Variants in SERPINI1 observed in about 807,000 individuals in gnomAD.
The protein encoded by SERPINI1 is neuroserpin.
A neutral mutation model predicts 41.1 loss-of-function variants in SERPINI1; 19 were observed. That is an observed-to-expected ratio of 0.46 (90% CI 0.32 to 0.68). The LOEUF (loss-of-function observed/expected upper bound fraction) is 0.68. Ranked by LOEUF, SERPINI1 falls within the 30% of genes least tolerant of loss-of-function variation. The probability of loss-of-function intolerance (pLI) is 0.03; values close to 1 mark genes in which losing one functional copy is unlikely to be tolerated. For synonymous variants in SERPINI1, 138 were observed against 156.6 expected (o/e 0.88, Z 0.89); for missense variants, 460 against 479.2 (o/e 0.96, Z 0.37).
chr3:167,804,358 A>G (rs1271277806), intron 5 of SERPINI1, among the ~76,000 whole-genome samples: 4 of 152,204 alleles, frequency 2.6e-5, no homozygotes, highest in Admixed American at 6.6e-5. Flanking sequence ...AAATGATGCT[A>G]ATGAAACTTT....
intron 1 of SERPINI1, among the ~76,000 whole-genome samples, chr3:167,753,128 TA>T (rs1726095337): frequency 6.6e-6 from 1 of 152,002 alleles, no homozygotes; most frequent in Admixed American, 6.6e-5. Flanking sequence ...AAATGAAAAG[TA>T]TAGTCTATAT....
intron 1 of SERPINI1, among the ~76,000 whole-genome samples, chr3:167,779,013 T>C (rs965006833): frequency 1.2e-4 from 19 of 152,222 alleles, no homozygotes; most frequent in African/African-American, 4.1e-4. Context: ...AGGTCAGTGC[T>C]AGTTGCTATG....
At chr3:167,817,607 T>C (rs1256556271) in intron 6 of SERPINI1, among the ~76,000 whole-genome samples, 26 of 151,970 alleles carry the variant, frequency 1.7e-4, no homozygotes, top group Admixed American at 1.7e-3. Flanking sequence ...TATTTATTTT[T>C]ATTTTTTTGA....
intron 1 of SERPINI1, among the ~76,000 whole-genome samples, chr3:167,750,616 C>T (rs1212519066): frequency 6.6e-6 from 1 of 152,134 alleles, no homozygotes; most frequent in Non-Finnish European, 1.5e-5. Context: ...GTGACCTAAG[C>T]ACTAATATCT....
chr3:167,775,654 T>C (rs1244516539), intron 1 of SERPINI1, among the ~76,000 whole-genome samples: 1 of 152,170 alleles, frequency 6.6e-6, no homozygotes, highest in Non-Finnish European at 1.5e-5. Flanking sequence ...TTTTAAATTC[T>C]GCATGAAAAA....
rs116028438 is a variant in SERPINI1, at chr3:167,762,162, C to T, written c.-19+26339C>T. Among the ~76,000 whole-genome samples, 132 of 152,190 alleles carry T rather than the reference C, an allele frequency of 8.7e-4. 1 individual carries two copies. The highest frequency in any genetic ancestry group is 3.1e-3 in the African/African-American group (128 of 41,530). On this transcript the variant is annotated intron_variant, in intron 1 of 8. Transcript: ENST00000446050. ...TGTTTCCACCCAAAAGCATCTGTAC[C>T]CATGTACTTTACCTTTTCTCCTGTT... is the stretch of plus-strand genomic sequence containing the variant.
intron 1 of SERPINI1, among the ~76,000 whole-genome samples, chr3:167,751,322 T>C (rs892284933): frequency 6.6e-6 from 1 of 152,196 alleles, no homozygotes; most frequent in Non-Finnish European, 1.5e-5. Flanking sequence ...ATGAGCACCT[T>C]GGTAAATTTA....
chr3:167,824,912 G>A (rs1026432931), intron 8 of SERPINI1, among the ~76,000 whole-genome samples: 10 of 152,016 alleles, frequency 6.6e-5, no homozygotes, highest in Non-Finnish European at 1.5e-4. Flanking sequence ...CAGGCATGGT[G>A]GCACATGCCT....
In SERPINI1 at chr3:167,802,043, T is replaced by C. The variant is rs372920076; in HGVS notation, c.882-5201T>C. Among the ~76,000 whole-genome samples the C allele has an allele frequency of 5.9e-5, 9 of 152,202 alleles. No individual in the cohort carries two copies. The East Asian group carries it at 1.7e-3, about 29-fold the overall frequency. On this transcript the variant is annotated intron_variant, in intron 5 of 8. Coordinates refer to ENST00000446050, the MANE Select transcript of SERPINI1 (RefSeq NM_001122752.2). ...AATGGGGAAAGGATTCCCTATTTAA[T>C]AAATGGTGCTGGGGAAACTGGCTAG...
At chr3:167,759,765 AC>A (rs1411751163) in intron 1 of SERPINI1, among the ~76,000 whole-genome samples, 1 of 152,142 alleles carries the variant, frequency 6.6e-6, no homozygotes, top group Non-Finnish European at 1.5e-5. Flanking sequence ...ACTCCCTGAA[AC>A]TAAAATAAAA....
intron 1 of SERPINI1, among the ~76,000 whole-genome samples, chr3:167,776,922 C>T (rs1726984824): frequency 6.6e-6 from 1 of 152,182 alleles, no homozygotes; most frequent in African/African-American, 2.4e-5. Context: ...AGGCCCTGAC[C>T]TTGGACTCTG....
chr3:167,758,638 A>G (rs1349543375), intron 1 of SERPINI1, among the ~76,000 whole-genome samples: 1 of 152,198 alleles, frequency 6.6e-6, no homozygotes, highest in East Asian at 1.9e-4. Context: ...ACTTTTTCAC[A>G]GATTGGAGGA....
At position 167,792,703 on chromosome 3, in the gene SERPINI1, A is replaced by T. The variant is rs1373128074; in HGVS notation, c.595A>T (p.Thr199Ser). 1.2e-6 allele frequency: 2 copies of T among 1,613,792 alleles called. No individual in the cohort carries two copies. Among genetic ancestry groups the T allele is most frequent in the African/African-American group, 2.7e-5 (2 of 74,896 alleles). The change falls in exon 4 of 9, where the codon ACT becomes TCT. Residue 199 changes from threonine (T) to serine (S), a missense_variant. Coordinates refer to ENST00000446050, the MANE Select transcript of SERPINI1 (RefSeq NM_001122752.2). ...NWKSQFRPEN[T>S]RTFSFTKDDE... is the part of the protein sequence containing the mutation. ...GAAGTCGCAGTTTAGGCCTGAAAAT[A>T]CTAGAACCTTTTCTTTCACTAAAGA...
chr3:167,744,636 ATT>A (rs1725789539), intron 1 of SERPINI1, among the ~76,000 whole-genome samples: 2 of 135,578 alleles, frequency 1.5e-5, no homozygotes, highest in African/African-American at 2.8e-5. Context: ...AATATTTTAT[ATT>A]TATATATAAA....
intron 4 of SERPINI1, among the ~76,000 whole-genome samples, chr3:167,793,596 A>ATTTTTTTTTTTTT (rs141371005): frequency 7.0e-4 from 98 of 140,614 alleles, no homozygotes; most frequent in African/African-American, 2.6e-3. Flanking sequence ...ATATATATAT[A>ATTTTTTTTTTTTT]TTTTTAATTA....
intron 6 of SERPINI1, among the ~76,000 whole-genome samples, chr3:167,822,566 A>G (rs1302193051): frequency 6.6e-6 from 1 of 152,138 alleles, no homozygotes; most frequent in Non-Finnish European, 1.5e-5. Context: ...GTAATTAAAT[A>G]TTAGGTTAAA....
chr3:167,744,830 A>C (rs1457590388), intron 1 of SERPINI1, among the ~76,000 whole-genome samples: 1 of 108,270 alleles, frequency 9.2e-6, no homozygotes, highest in Non-Finnish European at 1.9e-5. Flanking sequence ...TATATATAAT[A>C]TATATATTAT....
intron 5 of SERPINI1, among the ~76,000 whole-genome samples, chr3:167,806,879 C>T (rs1264386131): frequency 6.6e-6 from 1 of 151,754 alleles, no homozygotes; most frequent in Non-Finnish European, 1.5e-5. Flanking sequence ...AAATATATTA[C>T]TACTAGGTCA....
intron 6 of SERPINI1, among the ~76,000 whole-genome samples, chr3:167,816,760 G>C (rs1282649470): frequency 6.6e-6 from 1 of 152,096 alleles, no homozygotes; most frequent in Non-Finnish European, 1.5e-5. Flanking sequence ...TTAGGAATTA[G>C]AGGAGAGCAG....
Sources: gnomAD v4.1 joint callset for allele counts (sites outside exome capture counted in the v4.1 genomes callset) on GRCh38, gnomAD v4.1.1 for gene constraint, MANE v1.5 for transcripts, NCBI Gene and HGNC (gene_info 2026-07-23, HGNC 2026-07-21) for gene names.